The following ZFP1 variants were observed in gnomAD, a reference collection of about 807,000 sequenced individuals.
ZFP1 encodes the protein ZFP1 zinc finger protein.
ZFP1 carries 32 observed loss-of-function variants against 38.5 expected under a neutral mutation model. The ratio of observed to expected loss-of-function variants is 0.83; its 90% CI spans 0.63 to 1.12. The LOEUF is 1.12. ZFP1 is among the 50% of genes most tolerant of loss of function. ZFP1 has a pLI of 0.00. For synonymous variants in ZFP1, 245 were observed against 168.8 expected, an observed-to-expected ratio of 1.45 and a Z score of -3.50; for missense variants, 616 against 480.8, an observed-to-expected ratio of 1.28 and a Z score of -2.63.
upstream of ZFP1, among the ~76,000 whole-genome samples, chr16:75,145,618 T>G (rs1332129572): frequency 1.3e-5 from 2 of 151,872 alleles, no homozygotes; most frequent in East Asian, 3.9e-4. Context: ...AGCAAGGTGG[T>G]GGAGAAGGAG....
In ZFP1 at chr16:75,162,976, C is replaced by G. The variant is rs546614728; in HGVS notation, c.16-3794C>G. On this transcript the variant is annotated intron_variant, in intron 2 of 3. Transcript: ENST00000570010. Reference sequence around the variant, plus strand: ...CCAGGCTGGAGTGCAGTGGCACAGTCTTGGCTCACTGCAAGCTCCGCCTCC... The same window carrying G: ...CCAGGCTGGAGTGCAGTGGCACAGTGTTGGCTCACTGCAAGCTCCGCCTCC... 3.1e-3 allele frequency among the ~76,000 whole-genome samples: 453 copies of G among 148,372 alleles called. 4 individuals are homozygous for G. The highest frequency in any genetic ancestry group is 0.011 in the African/African-American group (433 of 40,276).
At chr16:75,134,776 G>A in the ZFP1 span, among the ~76,000 whole-genome samples, 1 of 148,872 alleles carries the variant, frequency 6.7e-6, no homozygotes, top group African/African-American at 2.5e-5. Flanking sequence ...AGCCAGGCCT[G>A]TCTGGGCGTG....
At chr16:75,161,757 A>AATAAATATATATATATATAT (rs2037788934) in intron 2 of ZFP1, among the ~76,000 whole-genome samples, 4 of 14,302 alleles carry the variant, frequency 2.8e-4, no homozygotes, top group Non-Finnish European at 5.2e-4. Context: ...AGTTTTATGA[A>AATAAATATATATATATATAT]ATATATATAT....
the ZFP1 span, chr16:75,132,672 T>TTC: frequency 1.3e-5 from 2 of 148,870 alleles, no homozygotes; most frequent in African/African-American, 2.5e-5. Context: ...TTTTTTTTTT[T>TTC]CCGAGACAGA....
At chr16:75,168,814 C>T (rs776612017) in intron 3 of ZFP1, among the ~76,000 whole-genome samples, 3 of 152,166 alleles carry the variant, frequency 2.0e-5, no homozygotes, top group Non-Finnish European at 2.9e-5. Context: ...CCGAGTTTAG[C>T]AAATAATACT....
At chr16:75,128,344 C>A in the ZFP1 span, among the ~76,000 whole-genome samples, 5 of 152,166 alleles carry the variant, frequency 3.3e-5, no homozygotes, top group African/African-American at 9.7e-5. Flanking sequence ...TTCTCTGGGA[C>A]AACGTTCCAT....
chr16:75,164,817 T>A (rs909724952), intron 2 of ZFP1, among the ~76,000 whole-genome samples: 7 of 152,196 alleles, frequency 4.6e-5, no homozygotes, highest in Admixed American at 1.3e-4. Context: ...AAGTTTTTTT[T>A]TTTTTTTGAG....
chr16:75,138,333 C>A, the ZFP1 span, among the ~76,000 whole-genome samples: 2 of 152,156 alleles, frequency 1.3e-5, no homozygotes, highest in African/African-American at 4.8e-5. Context: ...CCGCGCACAG[C>A]CAACTTCCCA....
chr16:75,169,398 T>C lies in ZFP1; in HGVS notation c.288T>C (p.Phe96=), dbSNP rs34809121. ...AAGCACTTAATCTGAACACAGACTT[T>C]GTTTCTTTAAGACAAGTACCTTATA... ...FGKALNLNTD[F]VSLRQVPYKY... The change falls in exon 4 of 4, where the codon TTT becomes TTC. Residue 96 remains phenylalanine (F), a synonymous_variant. Coordinates refer to ENST00000570010, the MANE Select transcript of ZFP1 (RefSeq NM_153688.4). 8.8e-4 allele frequency: 1,427 copies of C among 1,614,162 alleles called. 9 individuals carry two copies. In the African/African-American group the frequency reaches 0.017, roughly 20 times the overall value.
intron 2 of ZFP1, among the ~76,000 whole-genome samples, chr16:75,154,685 T>C (rs1396110421): frequency 1.3e-5 from 2 of 151,284 alleles, no homozygotes; most frequent in South Asian, 2.1e-4. Flanking sequence ...GGAGGGGGGC[T>C]CCAAAGCCGA....
At chr16:75,158,456 C>T (rs929911730) in intron 2 of ZFP1, among the ~76,000 whole-genome samples, 7 of 151,854 alleles carry the variant, frequency 4.6e-5, no homozygotes, top group Non-Finnish European at 8.8e-5. Flanking sequence ...AGTTCTCCCA[C>T]GTCAGCCTCC....
At chr16:75,120,574 G>C in the ZFP1 span, among the ~76,000 whole-genome samples, 4 of 149,166 alleles carry the variant, frequency 2.7e-5, no homozygotes, top group African/African-American at 1.0e-4. Context: ...GGTTACCCTT[G>C]GGTTTTTTTG....
chr16:75,141,195 CTTTTT>C, the ZFP1 span, among the ~76,000 whole-genome samples: 1 of 67,948 alleles, frequency 1.5e-5, no homozygotes, highest in African/African-American at 5.9e-5. Flanking sequence ...TTGGGTCATT[CTTTTT>C]TTTTTTTTTT....
intron 2 of ZFP1, chr16:75,166,530 A>G (rs1195146379): frequency 6.1e-6 from 6 of 985,180 alleles, no homozygotes; most frequent in African/African-American, 1.7e-5. Flanking sequence ...TGCCTGGCCA[A>G]TAGTGTTTTA....
At position 75,154,594 on chromosome 16, in the gene ZFP1, T is replaced by TG. The variant is rs1225654597; in HGVS notation, c.15+1630dup. ...GAGAGTTTTTTTTTTTTTTTTTTTT[T>TG]GGTTTTAAGGAGCGGAAAGTTTAAT... On this transcript the variant is annotated intron_variant, in intron 2 of 3. Coordinates refer to ENST00000570010, the MANE Select transcript of ZFP1 (RefSeq NM_153688.4). 8.2e-5 allele frequency among the ~76,000 whole-genome samples: 7 copies of TG among 84,882 alleles called. 1 individual carries two copies. Among genetic ancestry groups the TG allele is most frequent in the East Asian group, 3.4e-4 (1 of 2,914 alleles). 55.7% of individuals were successfully genotyped at this position (84,882 alleles called of 152,430 possible). A position where few individuals can be genotyped will look rare whatever the true frequency, so the allele number is the denominator to read the frequency against.
At chr16:75,156,314 G>T (rs940550535) in intron 2 of ZFP1, among the ~76,000 whole-genome samples, 1 of 152,028 alleles carries the variant, frequency 6.6e-6, no homozygotes, top group Non-Finnish European at 1.5e-5. Context: ...AAAATTAGCC[G>T]GGCGTGGTAG....
chr16:75,135,405 C>G, the ZFP1 span, among the ~76,000 whole-genome samples: 4 of 152,106 alleles, frequency 2.6e-5, no homozygotes, highest in African/African-American at 9.7e-5. Context: ...TCTCAAAAGA[C>G]TATATACTGT....
the ZFP1 span, among the ~76,000 whole-genome samples, chr16:75,120,408 G>A: frequency 6.6e-6 from 1 of 152,096 alleles, no homozygotes; most frequent in African/African-American, 2.4e-5. Flanking sequence ...CTTTAAGGGA[G>A]AAACCTGTTT....
At chr16:75,134,445 A>G in the ZFP1 span, among the ~76,000 whole-genome samples, 1 of 152,028 alleles carries the variant, frequency 6.6e-6, no homozygotes, top group East Asian at 1.9e-4. Flanking sequence ...CCCATCCCCA[A>G]AAAACATTTT....
Sources: allele counts gnomAD v4.1 joint callset (sites outside exome capture counted in the v4.1 genomes callset), GRCh38; gene constraint gnomAD v4.1.1; transcripts MANE v1.5; gene names NCBI Gene and HGNC (gene_info 2026-07-23, HGNC 2026-07-21).